The following COX7B2 variants were observed in gnomAD, a reference collection of about 807,000 sequenced individuals.
COX7B2 encodes cytochrome c oxidase subunit 7B2, mitochondrial.
For synonymous variants in COX7B2, 37 were observed against 32.1 expected (o/e 1.15, Z -0.51); for missense variants, 109 against 95.9 (o/e 1.14, Z -0.57).
intron 2 of COX7B2, among the ~76,000 whole-genome samples, chr4:46,742,237 A>G (rs1263543565): frequency 6.6e-6 from 1 of 152,182 alleles, no homozygotes; most frequent in Non-Finnish European, 1.5e-5. Context: ...GGACTCCTGG[A>G]CATTACTCAA....
At chr4:46,903,615 T>A (rs1484211401) in intron 1 of COX7B2, among the ~76,000 whole-genome samples, 1 of 152,228 alleles carries the variant, frequency 6.6e-6, no homozygotes, top group African/African-American at 2.4e-5. Flanking sequence ...TGCTCATTCA[T>A]GCTAAGTGCC....
chr4:46,744,145 T>C (rs1328523301), intron 2 of COX7B2, among the ~76,000 whole-genome samples: 1 of 152,088 alleles, frequency 6.6e-6, no homozygotes, highest in Non-Finnish European at 1.5e-5. Context: ...TTGACCCTTC[T>C]TGTTTTAAAG....
intron 2 of COX7B2, among the ~76,000 whole-genome samples, chr4:46,751,934 G>GT (rs1417466819): frequency 2.0e-5 from 3 of 152,046 alleles, no homozygotes; most frequent in African/African-American, 7.2e-5. Flanking sequence ...CTTTAAAGTA[G>GT]TTTTTTCCAA....
At chr4:46,761,290 A>G (rs1036777892) in intron 2 of COX7B2, among the ~76,000 whole-genome samples, 3 of 152,170 alleles carry the variant, frequency 2.0e-5, no homozygotes, top group Non-Finnish European at 4.4e-5. Context: ...GCAGGGGGCC[A>G]CCTAAATGGT....
intron 2 of COX7B2, among the ~76,000 whole-genome samples, chr4:46,782,832 C>T (rs977649873): frequency 3.3e-5 from 5 of 152,150 alleles, no homozygotes; most frequent in African/African-American, 1.2e-4. Context: ...AGACCACGAA[C>T]CCACCAGAAG....
At chr4:46,813,294 A>T (rs2109668072) in intron 2 of COX7B2, among the ~76,000 whole-genome samples, 1 of 152,268 alleles carries the variant, frequency 6.6e-6, no homozygotes, top group East Asian at 1.9e-4. Flanking sequence ...GCTATTGTAA[A>T]TACTGCTGCA....
At chr4:46,810,992 GA>G (rs573523362) in intron 2 of COX7B2, among the ~76,000 whole-genome samples, 194 of 152,204 alleles carry the variant, frequency 1.3e-3, no homozygotes, top group African/African-American at 4.5e-3. Flanking sequence ...TAAACTGCAA[GA>G]TTTGTCCTTA....
At chr4:46,761,245 C>T (rs371839452) in intron 2 of COX7B2, among the ~76,000 whole-genome samples, 1 of 152,152 alleles carries the variant, frequency 6.6e-6, no homozygotes, top group African/African-American at 2.4e-5. Context: ...AGCCCCTGTT[C>T]TATCTGTACA....
At chr4:46,814,689 C>T (rs1398259322) in intron 2 of COX7B2, among the ~76,000 whole-genome samples, 2 of 152,146 alleles carry the variant, frequency 1.3e-5, no homozygotes, top group East Asian at 3.8e-4. Context: ...ATTAATTATA[C>T]TGCAGGATTG....
chr4:46,814,134 C>T (rs1719429251), intron 2 of COX7B2, among the ~76,000 whole-genome samples: 1 of 152,008 alleles, frequency 6.6e-6, no homozygotes, highest in South Asian at 2.1e-4. Context: ...AAATAGAAAA[C>T]CAGGTGATTC....
chr4:46,904,284 T>C (rs1720245317), intron 1 of COX7B2, among the ~76,000 whole-genome samples: 1 of 151,892 alleles, frequency 6.6e-6, no homozygotes, highest in South Asian at 2.1e-4. Flanking sequence ...AGAAAAAATA[T>C]TTCAAACTCA....
chr4:46,832,769 C>T (rs573329783), intron 2 of COX7B2, among the ~76,000 whole-genome samples: 16 of 152,270 alleles, frequency 1.1e-4, no homozygotes, highest in African/African-American at 3.6e-4. Context: ...CCTCCCCACT[C>T]TCTCTCACTC....
rs76166143 is a variant in COX7B2 at position 46,763,741 on chromosome 4, T to A, written c.-49-28500A>T. ...AGGTTTTGATTAATGGACTAAAGAC[T>A]AAACAACAGAGAATTTGAGAATCAC... On this transcript the variant is annotated intron_variant, in intron 2 of 2. Coordinates refer to ENST00000355591, the MANE Select transcript of COX7B2 (RefSeq NM_130902.3). 4.2e-4 allele frequency among the ~76,000 whole-genome samples: 64 copies of A among 152,292 alleles called. No homozygotes were observed. The East Asian group carries it at 0.012, about 29-fold the overall frequency.
intron 2 of COX7B2, among the ~76,000 whole-genome samples, chr4:46,771,191 G>A (rs1176240395): frequency 6.6e-6 from 1 of 152,164 alleles, no homozygotes; most frequent in Non-Finnish European, 1.5e-5. Context: ...CATGCAAACT[G>A]CTAACGCGTG....
At chr4:46,877,096 C>G (rs1718389218) in intron 1 of COX7B2, among the ~76,000 whole-genome samples, 1 of 152,084 alleles carries the variant, frequency 6.6e-6, no homozygotes, top group Admixed American at 6.5e-5. Context: ...GCAAAATGAT[C>G]TAAAATTCCT....
intron 2 of COX7B2, among the ~76,000 whole-genome samples, chr4:46,769,560 C>CA (rs1053835616): frequency 1.3e-5 from 2 of 151,440 alleles, no homozygotes; most frequent in Non-Finnish European, 1.5e-5. Context: ...ACTAAAAGTA[C>CA]AAAAAAAATT....
intron 1 of COX7B2, among the ~76,000 whole-genome samples, chr4:46,858,159 T>G (rs1322267183): frequency 6.6e-6 from 1 of 152,152 alleles, no homozygotes; most frequent in African/African-American, 2.4e-5. Context: ...AGTGGCATGA[T>G]CTCGGCTTAC....
At chr4:46,820,099 C>T (rs1714165270) in intron 2 of COX7B2, among the ~76,000 whole-genome samples, 1 of 152,102 alleles carries the variant, frequency 6.6e-6, no homozygotes, top group Non-Finnish European at 1.5e-5. Context: ...TTATTGTGCA[C>T]TTTCTTTCTA....
At chr4:46,838,182 T>A (rs1349576686) in intron 2 of COX7B2, among the ~76,000 whole-genome samples, 1 of 152,030 alleles carries the variant, frequency 6.6e-6, no homozygotes, top group Non-Finnish European at 1.5e-5. Context: ...ATAGGTTACA[T>A]CTCTATTCTA....
Sources: gnomAD v4.1 joint callset for allele counts (sites outside exome capture counted in the v4.1 genomes callset) on GRCh38, gnomAD v4.1.1 for gene constraint, MANE v1.5 for transcripts, NCBI Gene and HGNC (gene_info 2026-07-23, HGNC 2026-07-21) for gene names.